Variants in ZNF691 observed in about 807,000 individuals in gnomAD.
The protein encoded by ZNF691 is zinc finger protein 691.
A neutral mutation model predicts 24.1 loss-of-function variants in ZNF691; 11 were observed. The ratio of observed to expected loss-of-function variants is 0.46; its 90% CI spans 0.29 to 0.75. The LOEUF (loss-of-function observed/expected upper bound fraction) is 0.75, where lower values mean the gene tolerates loss of function less well. ZNF691 is among the 30% of genes least tolerant of loss of function. ZNF691 has a pLI of 0.11. For synonymous variants in ZNF691, 149 were observed against 153.9 expected (o/e 0.97, Z 0.23); for missense variants, 356 against 409.0 (o/e 0.87, Z 1.12).
chr1:42,851,695 A>T lies in ZNF691; in HGVS notation c.830A>T (p.His277Leu). ...AACTTTGGAGCACACCAGCGGACCC[A>T]CAGAGGGGAGAAGCCCTACCGGTGC... ...ISNFGAHQRT[H>L]RGEKPYRCTV... Residue 277 changes from histidine to leucine, a missense_variant, in exon 4 of 4, where the codon CAC (histidine) becomes CTC (leucine). By Grantham distance (99) the His-to-Leu change is moderately conservative. Transcript: ENST00000651192. The surrounding 1 kb of genome is among the most constrained non-coding windows in gnomAD (Gnocchi z 4.7). 1 of 1,614,226 alleles carries T rather than the reference A, an allele frequency of 6.2e-7. No homozygotes were observed. The highest frequency in any genetic ancestry group is 8.5e-7 in the Non-Finnish European group (1 of 1,180,044).
intron 1 of ZNF691, among the ~76,000 whole-genome samples, chr1:42,848,061 C>T (rs549131839): frequency 6.6e-6 from 1 of 152,186 alleles, no homozygotes; most frequent in Non-Finnish European, 1.5e-5. Flanking sequence ...CTGGAGTTCA[C>T]GGTCTGTTTC....
At chr1:42,850,896 T>G in intron 3 of ZNF691, 54 bp from the exon 4 acceptor site, 9 of 1,547,592 alleles carry the variant, frequency 5.8e-6, no homozygotes, top group Non-Finnish European at 7.8e-6. Flanking sequence ...AGATTCCCTG[T>G]GATCTGGCCC....
In ZNF691 at chr1:42,851,176, C is replaced by T. The variant is rs377049241; in HGVS notation, c.311C>T (p.Ala104Val). The change falls in exon 4 of 4, where the codon GCT (alanine) becomes GTT (valine). Residue 104 changes from alanine (A) to valine (V), a missense_variant. Transcript: ENST00000651192. The surrounding 1 kb of genome is among the most constrained non-coding windows in gnomAD (Gnocchi z 4.7). The part of the protein sequence containing the change: ...VRARELGDPI[A>V]HPRHEADEKP... ...GCTCGAGAGCTAGGGGACCCCATTG[C>T]TCATCCAAGGCATGAGGCAGATGAG... The T allele has an allele frequency of 3.3e-4, 526 of 1,614,118 alleles. No individual in the cohort carries two copies. Among genetic ancestry groups the T allele is most frequent in the Non-Finnish European group, 4.3e-4 (505 of 1,180,056 alleles).
Position 42,851,865 on chromosome 1 carries a change from T to A in ZNF691, c.*52T>A. 1 of 1,607,296 alleles carries A rather than the reference T, an allele frequency of 6.2e-7. No individual in the cohort carries two copies. Among genetic ancestry groups the A allele is most frequent in the East Asian group, 2.2e-5 (1 of 44,654 alleles). The stretch of plus-strand genomic sequence containing the variant: ...GAGAGAGTGAGAGACCCTAACCTAT[T>A]GGAGGAAGATCTTCAGCATCTTTTG... On this transcript the variant is annotated 3_prime_UTR_variant, in exon 4 of 4. Transcript: ENST00000651192. This position sits in a 1 kb window ranked among gnomAD's most constrained non-coding sequence, Gnocchi z 4.7.
rs770743647 is a variant in ZNF691, at chr1:42,850,910, C to T, written c.85-40C>T. 7 of 1,541,094 alleles carry T rather than the reference C, an allele frequency of 4.5e-6. No individual in the cohort carries two copies. The South Asian group carries it at 7.8e-5, about 17-fold the overall frequency. On this transcript the variant is annotated intron_variant, in intron 3 of 3. Coordinates refer to ENST00000651192, the MANE Select transcript of ZNF691 (RefSeq NM_001242739.2). ...AAGATTCCCTGTGATCTGGCCCAAC[C>T]CAAAGAATAAAGGTGTTGGCCATTT...
rs1198190374 is a variant in ZNF691, at chr1:42,851,294, C to T, written c.429C>T (p.Tyr143=). Residue 143 remains tyrosine (Y), a synonymous_variant, in exon 4 of 4, where the codon TAC becomes TAT. Coordinates refer to ENST00000651192, the MANE Select transcript of ZNF691 (RefSeq NM_001242739.2). The surrounding 1 kb of genome is among the most constrained non-coding windows in gnomAD (Gnocchi z 4.7). ...GGATCCACACTGGTGAGAAGCCTTA[C>T]AAGTGTTCTGAATGTGGCAAGAGCT... The part of the protein sequence containing the change: ...HQRIHTGEKP[Y]KCSECGKSFS... 6.2e-7 allele frequency: 1 copy of T among 1,614,150 alleles called. No homozygotes were observed. Among genetic ancestry groups the T allele is most frequent in the South Asian group, 1.1e-5 (1 of 91,080 alleles).
intron 1 of ZNF691, among the ~76,000 whole-genome samples, chr1:42,848,135 C>G (rs1217081521): frequency 6.6e-6 from 1 of 152,124 alleles, no homozygotes; most frequent in African/African-American, 2.4e-5. Flanking sequence ...TTACATTGAC[C>G]TAGCATCCAG....
intron 3 of ZNF691, 73 bp downstream of exon 3, chr1:42,849,815 AT>A: frequency 7.8e-7 from 1 of 1,288,824 alleles, no homozygotes; most frequent in Non-Finnish European, 1.1e-6. Context: ...CTTAGCACAC[AT>A]TAGTGATGTT....
Position 42,851,457 on chromosome 1 carries a change from C to A in ZNF691, c.592C>A (p.Pro198Thr), listed in dbSNP as rs1158571871. 7.4e-6 allele frequency: 12 copies of A among 1,614,098 alleles called. No homozygotes were observed. The highest frequency in any genetic ancestry group is 9.3e-6 in the Non-Finnish European group (11 of 1,180,054). The change falls in exon 4 of 4, where the codon CCA (proline) becomes ACA (threonine). Residue 198 changes from proline (P) to threonine (T), a missense_variant. Coordinates refer to ENST00000651192, the MANE Select transcript of ZNF691 (RefSeq NM_001242739.2). This position sits in a 1 kb window ranked among gnomAD's most constrained non-coding sequence, Gnocchi z 4.7. ...THQQDHLGKR[P>T]YRCDICGKSF... ...CCAGCAAGATCACCTAGGCAAGCGG[C>A]CATACCGCTGTGACATCTGTGGCAA...
At chr1:42,846,906 C>T (rs555606090) in intron 1 of ZNF691, among the ~76,000 whole-genome samples, 6 of 152,314 alleles carry the variant, frequency 3.9e-5, no homozygotes, top group East Asian at 3.9e-4. Flanking sequence ...ATACAGCCTT[C>T]CTGCCGCTGA....
chr1:42,848,458 TA>T (rs1234172465), intron 1 of ZNF691, among the ~76,000 whole-genome samples: 1 of 152,138 alleles, frequency 6.6e-6, no homozygotes, highest in Non-Finnish European at 1.5e-5. Flanking sequence ...CAAACCACTA[TA>T]AGCCAAGCAC....
rs973616564 is a variant in ZNF691, at chr1:42,851,746, G to A, written c.881G>A (p.Arg294Gln). The A allele has an allele frequency of 3.1e-6, 5 of 1,614,236 alleles. No homozygotes were observed. Among genetic ancestry groups the A allele is most frequent in the Non-Finnish European group, 3.4e-6 (4 of 1,180,030 alleles). ...RCTVCGKHFS[R>Q]SSNLIRHQKT... ...ACTGTGTGTGGGAAACACTTCTCCC[G>A]GAGCTCGAATCTCATCCGCCACCAG... is the stretch of plus-strand genomic sequence containing the variant. The change falls in exon 4 of 4, where the codon CGG (arginine) becomes CAG (glutamine). Residue 294 changes from arginine to glutamine, a missense_variant. Transcript: ENST00000651192. The surrounding 1 kb of genome is among the most constrained non-coding windows in gnomAD (Gnocchi z 4.7).
chr1:42,850,904 C>A, intron 3 of ZNF691, 46 bp from the exon 4 acceptor site: 1 of 1,543,392 alleles, frequency 6.5e-7, no homozygotes, highest in South Asian at 1.3e-5. Context: ...TGTGATCTGG[C>A]CCAACCCAAA....
At position 42,851,810 on chromosome 1, in the gene ZNF691, C is replaced by A; in HGVS notation, c.945C>A (p.Ser315Arg). ...GCGAACAGGCTGGGAAAGATTCCAG[C>A]TGAAGGAGAGCCCCATTTAGAGTGA... ...HLGEQAGKDS[S>R] The change falls in exon 4 of 4, where the codon AGC (serine) becomes AGA (arginine). Residue 315 changes from serine to arginine, a missense_variant. Ser to Arg is a moderately radical substitution (Grantham distance 110, BLOSUM62 -1). Transcript: ENST00000651192. This position sits in a 1 kb window ranked among gnomAD's most constrained non-coding sequence, Gnocchi z 4.7. 3 of 1,614,014 alleles carry A rather than the reference C, an allele frequency of 1.9e-6. No individual in the cohort carries two copies. In the African/African-American group the frequency reaches 4.0e-5, roughly 22 times the overall value.
At position 42,852,463 on chromosome 1, in the gene ZNF691, AC is replaced by A. The variant is rs1348231650; in HGVS notation, c.*653del. The A allele has an allele frequency of 5.8e-6, 1 of 173,448 alleles. No individual in the cohort carries two copies. The highest frequency in any genetic ancestry group is 1.4e-5 in the Non-Finnish European group (1 of 71,934). The allele number at this position is 173,448 out of a possible 1,614,324, so 10.7% of individuals were successfully genotyped here. A position where few individuals can be genotyped will look rare whatever the true frequency, so the allele number is the denominator to read the frequency against. On this transcript the variant is annotated 3_prime_UTR_variant, in exon 4 of 4. Coordinates refer to ENST00000651192, the MANE Select transcript of ZNF691 (RefSeq NM_001242739.2). ...TTTCCCCAGAGTGATTAGCAGTAAAACCCTTCAATGAAAAGGACCCGTGTAC... is the reference window on the plus strand; with the variant it reads ...TTTCCCCAGAGTGATTAGCAGTAAAACCTTCAATGAAAAGGACCCGTGTAC...
intron 1 of ZNF691, among the ~76,000 whole-genome samples, chr1:42,848,679 A>C (rs527805313): frequency 7.2e-4 from 110 of 152,244 alleles, no homozygotes; most frequent in Non-Finnish European, 1.2e-3. Context: ...TAAAAAAAAA[A>C]CAAAAAAACA....
chr1:42,850,933 T>C lies in ZNF691; in HGVS notation c.85-17T>C, dbSNP rs201870364. 6.5e-7 allele frequency: 1 copy of C among 1,534,448 alleles called. No individual in the cohort carries two copies. The highest frequency in any genetic ancestry group is 2.3e-5 in the East Asian group (1 of 44,418). ...ACCCAAAGAATAAAGGTGTTGGCCA[T>C]TTGTGTTCATTCTCAGGGTTCAGAG... On this transcript the variant is annotated splice_polypyrimidine_tract_variant and intron_variant, in intron 3 of 3. Coordinates refer to ENST00000651192, the MANE Select transcript of ZNF691 (RefSeq NM_001242739.2).
Position 42,851,876 on chromosome 1 carries a change from C to G in ZNF691, c.*63C>G. 1 of 1,599,960 alleles carries G rather than the reference C, an allele frequency of 6.3e-7. No individual in the cohort carries two copies. The highest frequency in any genetic ancestry group is 8.5e-7 in the Non-Finnish European group (1 of 1,173,720). Reference sequence around the variant, plus strand: ...AGACCCTAACCTATTGGAGGAAGATCTTCAGCATCTTTTGCTGCTACCTTG... The same window carrying G: ...AGACCCTAACCTATTGGAGGAAGATGTTCAGCATCTTTTGCTGCTACCTTG... On this transcript the variant is annotated 3_prime_UTR_variant, in exon 4 of 4. Transcript: ENST00000651192. This position sits in a 1 kb window ranked among gnomAD's most constrained non-coding sequence, Gnocchi z 4.7.
In ZNF691 at chr1:42,851,718, T is replaced by G. The variant is rs763998824; in HGVS notation, c.853T>G (p.Cys285Gly). The stretch of plus-strand genomic sequence containing the variant: ...CCACAGAGGGGAGAAGCCCTACCGG[T>G]GCACTGTGTGTGGGAAACACTTCTC... The part of the protein sequence containing the change: ...RTHRGEKPYR[C>G]TVCGKHFSRS... Residue 285 changes from cysteine to glycine, a missense_variant, in exon 4 of 4, where the codon TGC (cysteine) becomes GGC (glycine). Coordinates refer to ENST00000651192, the MANE Select transcript of ZNF691 (RefSeq NM_001242739.2). The surrounding 1 kb of genome is among the most constrained non-coding windows in gnomAD (Gnocchi z 4.7). The G allele has an allele frequency of 6.2e-7, 1 of 1,614,088 alleles. No individual in the cohort carries two copies. The highest frequency in any genetic ancestry group is 8.5e-7 in the Non-Finnish European group (1 of 1,180,032).
Sources: gnomAD v4.1 joint callset for allele counts (sites outside exome capture counted in the v4.1 genomes callset) on GRCh38, gnomAD v4.1.1 for gene constraint, Gnocchi (gnomAD v3.1) non-coding constraint, MANE v1.5 for transcripts, NCBI Gene and HGNC (gene_info 2026-07-23, HGNC 2026-07-21) for gene names.